The following PIK3C2G variants were observed in gnomAD, a reference collection of about 807,000 sequenced individuals.
PIK3C2G encodes the protein phosphatidylinositol-4-phosphate 3-kinase catalytic subunit type 2 gamma, also known as phosphatidylinositol 3-kinase C2 domain-containing subunit gamma.
PIK3C2G carries 168 observed loss-of-function variants against 181.1 expected under a neutral mutation model. The observed-to-expected ratio is 0.93, with a 90% CI of 0.82 to 1.05. The LOEUF is 1.05. Among genes scored for constraint, PIK3C2G ranks in the 50% least tolerant of loss-of-function variants. The pLI is 0.00. For synonymous variants in PIK3C2G, 573 were observed against 592.2 expected (o/e 0.97, Z 0.47); for missense variants, 1,869 against 1,732.8 (o/e 1.08, Z -1.40).
the PIK3C2G span, among the ~76,000 whole-genome samples, chr12:18,726,586 T>C: frequency 6.6e-6 from 1 of 152,176 alleles, no homozygotes; most frequent in Non-Finnish European, 1.5e-5. Context: ...ATTCTATTGA[T>C]TGTCATTCTG....
chr12:18,693,475 C>T, the PIK3C2G span: 10 of 1,607,720 alleles, frequency 6.2e-6, no homozygotes, highest in Admixed American at 1.0e-4. Context: ...CAGGTAAAAC[C>T]TTGTTAGCCA....
the PIK3C2G span, chr12:18,701,407 AATG>A: frequency 6.3e-7 from 1 of 1,587,588 alleles, no homozygotes; most frequent in Non-Finnish European, 8.6e-7. Context: ...TAAGAAGGAA[AATG>A]ATTTTTCTCC....
intron 24 of PIK3C2G, among the ~76,000 whole-genome samples, chr12:18,526,714 A>G (rs951465369): frequency 6.6e-5 from 10 of 152,268 alleles, no homozygotes; most frequent in African/African-American, 2.4e-4. Context: ...TGCCAGTCAC[A>G]GAGCCATTCC....
At chr12:18,280,274 G>T (rs984442356) in intron 1 of PIK3C2G, among the ~76,000 whole-genome samples, 2 of 151,882 alleles carry the variant, frequency 1.3e-5, no homozygotes, top group African/African-American at 2.4e-5. Context: ...AACAAATATG[G>T]TCTGATGATC....
intron 21 of PIK3C2G, among the ~76,000 whole-genome samples, chr12:18,496,650 G>C (rs1044154142): frequency 7.2e-5 from 11 of 152,106 alleles, no homozygotes; most frequent in Non-Finnish European, 1.5e-4. Context: ...AGAAAAGGTA[G>C]TAACAGGTTT....
chr12:18,363,808 G>T (rs541993549), intron 12 of PIK3C2G, among the ~76,000 whole-genome samples: 1 of 152,272 alleles, frequency 6.6e-6, no homozygotes, highest in South Asian at 2.1e-4. Context: ...AATCAATGGA[G>T]ACTGTGTCCT....
chr12:18,627,368 G>A (rs1237162379), intron 31 of PIK3C2G, among the ~76,000 whole-genome samples: 1 of 151,914 alleles, frequency 6.6e-6, no homozygotes, highest in African/African-American at 2.4e-5. Flanking sequence ...TCATTTCTTA[G>A]ATATCCCTTT....
the PIK3C2G span, among the ~76,000 whole-genome samples, chr12:18,697,355 G>A: frequency 0.48 from 73,382 of 151,916 alleles, 18,893 homozygotes; most frequent in African/African-American, 0.66. Context: ...TTGAAACCAT[G>A]TGTGTATAAA....
chr12:18,697,838 T>G, the PIK3C2G span, among the ~76,000 whole-genome samples: 1 of 151,936 alleles, frequency 6.6e-6, no homozygotes, highest in Non-Finnish European at 1.5e-5. Flanking sequence ...ATAATAATAA[T>G]TGGCATCCTT....
intron 4 of PIK3C2G, among the ~76,000 whole-genome samples, chr12:18,293,244 A>G (rs976628843): frequency 3.3e-5 from 5 of 152,136 alleles, no homozygotes; most frequent in Admixed American, 1.3e-4. Flanking sequence ...TATAAATCCT[A>G]TTTAACAGAT....
intron 8 of PIK3C2G, among the ~76,000 whole-genome samples, chr12:18,326,953 T>C (rs186120100): frequency 4.5e-4 from 68 of 152,240 alleles, no homozygotes; most frequent in Non-Finnish European, 7.2e-4. Flanking sequence ...TTTATAACAG[T>C]TCTTAATTTC....
intron 30 of PIK3C2G, among the ~76,000 whole-genome samples, chr12:18,597,018 T>C (rs1393316240): frequency 2.0e-5 from 3 of 152,122 alleles, no homozygotes; most frequent in Non-Finnish European, 4.4e-5. Context: ...TAGAAAAATA[T>C]TTTGGACTTT....
In PIK3C2G at chr12:18,569,733, A is replaced by G. The variant is rs115587561; in HGVS notation, c.4011+2676A>G. On this transcript the variant is annotated intron_variant, in intron 29 of 32. Coordinates refer to ENST00000538779, the MANE Select transcript of PIK3C2G (RefSeq NM_001288772.2). ...CAATAAATACATTTTCCAATTTTCT[A>G]TACTTGGTCTTTTTAATCTTTTAAA... Among the ~76,000 whole-genome samples the G allele has an allele frequency of 6.6e-3, 1,007 of 152,184 alleles. 9 individuals carry two copies. The highest frequency in any genetic ancestry group is 0.023 in the African/African-American group (971 of 41,532).
chr12:18,503,514 C>A, intron 23 of PIK3C2G, 97 bp downstream of exon 23: 2 of 809,944 alleles, frequency 2.5e-6, no homozygotes, highest in Non-Finnish European at 3.6e-6. Flanking sequence ...AAATTAAGTG[C>A]ACTTTGAGTT....
chr12:18,245,853 G>A (rs1288106115), upstream of PIK3C2G, among the ~76,000 whole-genome samples: 2 of 151,976 alleles, frequency 1.3e-5, no homozygotes, highest in Non-Finnish European at 2.9e-5. Context: ...CGCAACTTGA[G>A]TTTCTAGAAT....
At chr12:18,636,726 G>A (rs1275315655) in intron 31 of PIK3C2G, among the ~76,000 whole-genome samples, 1 of 152,116 alleles carries the variant, frequency 6.6e-6, no homozygotes, top group Non-Finnish European at 1.5e-5. Flanking sequence ...GGCCAAATAG[G>A]CAAATTGAGT....
At chr12:18,392,696 C>T (rs1006094627) in intron 15 of PIK3C2G, among the ~76,000 whole-genome samples, 2 of 152,032 alleles carry the variant, frequency 1.3e-5, no homozygotes, top group African/African-American at 4.8e-5. Flanking sequence ...TTATCCTGCC[C>T]ACTCATGTGT....
intron 12 of PIK3C2G, among the ~76,000 whole-genome samples, chr12:18,368,454 C>A (rs895147944): frequency 1.3e-5 from 2 of 152,084 alleles, no homozygotes; most frequent in Admixed American, 1.3e-4. Flanking sequence ...CCAAATAGAT[C>A]CAAATCCAAA....
chr12:18,250,994 A>G (rs1173061075), intron 1 of PIK3C2G, among the ~76,000 whole-genome samples: 1 of 151,974 alleles, frequency 6.6e-6, no homozygotes, highest in Non-Finnish European at 1.5e-5. Flanking sequence ...AAACCTGAGG[A>G]TTTAATAAGT....
Sources: allele counts gnomAD v4.1 joint callset (sites outside exome capture counted in the v4.1 genomes callset), GRCh38; gene constraint gnomAD v4.1.1; transcripts MANE v1.5; gene names NCBI Gene and HGNC (gene_info 2026-07-23, HGNC 2026-07-21).